NPIPB8: variants seen among roughly 807,000 people sequenced by gnomAD.
NPIPB8 encodes the protein nuclear pore complex interacting protein family member B8, also known as nuclear pore complex-interacting protein family member B8.
Under a neutral mutation model 5.3 loss-of-function variants are expected in NPIPB8, and 3 were observed. The ratio of observed to expected loss-of-function variants is 0.57; its 90% CI spans 0.26 to 1.47. NPIPB8 has a LOEUF of 1.47. NPIPB8 is among the 40% of genes most tolerant of loss of function. The pLI is 0.13. For synonymous variants in NPIPB8, 18 were observed against 23.0 expected, an observed-to-expected ratio of 0.78 and a Z score of 0.62; for missense variants, 50 against 50.2, an observed-to-expected ratio of 1.00 and a Z score of 0.01.
chr16:28,644,766 G>A, intron 2 of NPIPB8: 2 of 520,412 alleles, frequency 3.8e-6, no homozygotes, highest in South Asian at 1.7e-5. Flanking sequence ...GGGCCGAGGT[G>A]GGCAGATCAC....
intron 2 of NPIPB8, 50 bp downstream of exon 2, chr16:28,638,530 G>A (rs771449845): frequency 6.7e-7 from 1 of 1,496,948 alleles, no homozygotes; most frequent in South Asian, 1.2e-5. Context: ...GCAGTTCCCG[G>A]GTCTCAGCTG....
At chr16:28,652,881 T>C (rs371170329) in intron 5 of NPIPB8, among the ~76,000 whole-genome samples, 6 of 135,012 alleles carry the variant, frequency 4.4e-5, no homozygotes, top group East Asian at 2.0e-4. Flanking sequence ...GGATTAGAGG[T>C]GTGAGCCACC....
In NPIPB8 at chr16:28,639,674, T is replaced by C. The variant is rs1305233185; in HGVS notation, c.120+1194T>C. Among the ~76,000 whole-genome samples the C allele has an allele frequency of 7.8e-4, 112 of 144,374 alleles. 1 individual carries two copies. The highest frequency in any genetic ancestry group is 1.3e-3 in the Non-Finnish European group (85 of 66,218). 94.7% of individuals were successfully genotyped at this position (144,374 alleles called of 152,430 possible). A position where few individuals can be genotyped will look rare whatever the true frequency, so the allele number is the denominator to read the frequency against. On this transcript the variant is annotated intron_variant, in intron 2 of 7. Coordinates refer to ENST00000683297, the MANE Select transcript of NPIPB8 (RefSeq NM_001310136.2). ...TTTCACCATATTGGCCAGGCTCGTG[T>C]CAACTCCTGACCTCGTGATCTGCCC... is the stretch of plus-strand genomic sequence containing the variant.
At chr16:28,641,792 G>C (rs1415863054) in intron 2 of NPIPB8, among the ~76,000 whole-genome samples, 1 of 131,884 alleles carries the variant, frequency 7.6e-6, no homozygotes, top group South Asian at 2.5e-4. Flanking sequence ...CACACAGCTG[G>C]TCAGCAGCAA....
intron 5 of NPIPB8, among the ~76,000 whole-genome samples, chr16:28,652,591 T>A (rs2048059767): frequency 9.0e-6 from 1 of 111,690 alleles, no homozygotes; most frequent in Non-Finnish European, 1.8e-5. Context: ...AGTACTGGCA[T>A]TGGTTTTCCT....
At chr16:28,654,467 ATCCT>A (rs1490160589) in intron 5 of NPIPB8, 7 of 361,690 alleles carry the variant, frequency 1.9e-5, no homozygotes, top group Non-Finnish European at 2.5e-5. Context: ...AATTTTACAC[ATCCT>A]TCCTATAAAA....
At chr16:28,640,858 T>G (rs1369775487) in intron 2 of NPIPB8, among the ~76,000 whole-genome samples, 1 of 152,088 alleles carries the variant, frequency 6.6e-6, no homozygotes, top group Non-Finnish European at 1.5e-5. Flanking sequence ...AGTTACCCCA[T>G]ATGATAGTTT....
At chr16:28,642,976 G>C (rs2047931694) in intron 2 of NPIPB8, among the ~76,000 whole-genome samples, 2 of 152,220 alleles carry the variant, frequency 1.3e-5, no homozygotes, top group African/African-American at 4.8e-5. Flanking sequence ...TACTCTGTGT[G>C]ATCGGGCGGA....
intron 5 of NPIPB8, among the ~76,000 whole-genome samples, chr16:28,652,900 G>C (rs1255268661): frequency 3.1e-3 from 363 of 118,052 alleles, no homozygotes; most frequent in South Asian, 0.024. Context: ...CCACACCCAG[G>C]CTTTTTTTTT....
At chr16:28,642,661 T>A (rs1306565816) in intron 2 of NPIPB8, among the ~76,000 whole-genome samples, 1 of 150,482 alleles carries the variant, frequency 6.6e-6, no homozygotes, top group Non-Finnish European at 1.5e-5. Context: ...ATTTTTATAT[T>A]TTATTAGAGA....
At chr16:28,638,710 A>G (rs1445430255) in intron 2 of NPIPB8, among the ~76,000 whole-genome samples, 4 of 150,706 alleles carry the variant, frequency 2.7e-5, no homozygotes, top group Non-Finnish European at 4.4e-5. Context: ...CATTGCTGGC[A>G]TGGTAACCTA....
At chr16:28,653,273 A>G (rs567896600) in intron 5 of NPIPB8, among the ~76,000 whole-genome samples, 1 of 69,902 alleles carries the variant, frequency 1.4e-5, no homozygotes, top group African/African-American at 8.7e-5. Context: ...TAGACTTAGT[A>G]GAGTAGTTCT....
At chr16:28,642,989 G>T (rs915626128) in intron 2 of NPIPB8, among the ~76,000 whole-genome samples, 1 of 152,204 alleles carries the variant, frequency 6.6e-6, no homozygotes, top group Non-Finnish European at 1.5e-5. Flanking sequence ...CGGGCGGAAG[G>T]CCTGTGGGAA....
intron 2 of NPIPB8, among the ~76,000 whole-genome samples, chr16:28,639,772 C>G (rs554581963): frequency 6.6e-6 from 1 of 150,714 alleles, no homozygotes; most frequent in Admixed American, 6.6e-5. Context: ...ATTATTTTAA[C>G]AATATACTAT....
At chr16:28,652,928 A>G (rs1347411775) in intron 5 of NPIPB8, among the ~76,000 whole-genome samples, 2 of 116,698 alleles carry the variant, frequency 1.7e-5, no homozygotes, top group Non-Finnish European at 3.5e-5. Context: ...TTTAATTTTG[A>G]GATAGAATCT....
intron 2 of NPIPB8, among the ~76,000 whole-genome samples, chr16:28,641,077 TTCTGTGCATTTTCC>T (rs1468639596): frequency 2.6e-5 from 4 of 151,978 alleles, no homozygotes; most frequent in African/African-American, 9.7e-5. Context: ...CGTGCATGTA[TTCTGTGCATTTTCC>T]TGTGCTAAAC....
Position 28,645,205 on chromosome 16 carries a change from AT to A in NPIPB8, c.121-2925del, listed in dbSNP as rs1347113081. Among the ~76,000 whole-genome samples the A allele has an allele frequency of 2.7e-5, 3 of 110,520 alleles. No individual in the cohort carries two copies. In the East Asian group the frequency reaches 6.7e-4, roughly 25 times the overall value. The allele number at this position is 110,520 out of a possible 152,430, so 72.5% of individuals were successfully genotyped here. ...ATTACAACGCCTGGCTAATTTTTGT[AT>A]TTTTAGTAGAGACGGGGTTTCACCA... On this transcript the variant is annotated intron_variant, in intron 2 of 7. Coordinates refer to ENST00000683297, the MANE Select transcript of NPIPB8 (RefSeq NM_001310136.2).
At chr16:28,651,284 A>ATTTT (rs1242473443) in intron 3 of NPIPB8, among the ~76,000 whole-genome samples, 57 of 10,894 alleles carry the variant, frequency 5.2e-3, no homozygotes, top group Non-Finnish European at 7.7e-3. Context: ...CACCTGGGCT[A>ATTTT]TTTTTTTTTT....
At chr16:28,643,191 TC>T (rs1364738693) in intron 2 of NPIPB8, among the ~76,000 whole-genome samples, 1 of 149,578 alleles carries the variant, frequency 6.7e-6, no homozygotes, top group Admixed American at 6.7e-5. Flanking sequence ...ATGCACAGAT[TC>T]CTTGGACATC....
Sources: allele counts gnomAD v4.1 joint callset (sites outside exome capture counted in the v4.1 genomes callset), GRCh38; gene constraint gnomAD v4.1.1; transcripts MANE v1.5; gene names NCBI Gene and HGNC (gene_info 2026-07-23, HGNC 2026-07-21).